The following RHNO1 variants were observed in gnomAD, a reference collection of about 807,000 sequenced individuals.
RHNO1 encodes RAD9-HUS1-RAD1 interacting nuclear orphan 1.
Under a neutral mutation model 7.2 loss-of-function variants are expected in RHNO1, and 9 were observed. That is an observed-to-expected ratio of 1.25 (90% CI 0.75 to 2.18). The LOEUF is 2.18. Ranked by LOEUF, RHNO1 falls within the 30% of genes most tolerant of loss-of-function variation. The pLI, the probability that RHNO1 is intolerant of heterozygous loss-of-function variation, is 0.00. For synonymous variants in RHNO1, 95 were observed against 107.5 expected, an observed-to-expected ratio of 0.88 and a Z score of 0.72; for missense variants, 292 against 284.5, an observed-to-expected ratio of 1.03 and a Z score of -0.19.
upstream of RHNO1, chr12:2,876,583 G>C (rs2098144294): frequency 6.6e-6 from 1 of 152,446 alleles, no homozygotes; most frequent in South Asian, 2.1e-4. Context: ...GTGTATGCAG[G>C]TTGGTCTTTG....
intron 1 of RHNO1, among the ~76,000 whole-genome samples, chr12:2,883,066 C>CAAAAAAAAAAAAAA (rs776370244): frequency 8.2e-5 from 3 of 36,504 alleles, no homozygotes; most frequent in African/African-American, 2.2e-4. Flanking sequence ...GGCCCTGTCT[C>CAAAAAAAAAAAAAA]AAAAAAAAAA....
Position 2,885,322 on chromosome 12 carries a change from C to T in RHNO1, c.-45C>T, listed in dbSNP as rs2098163906. 1 of 1,564,100 alleles carries T rather than the reference C, an allele frequency of 6.4e-7. No homozygotes were observed. The highest frequency in any genetic ancestry group is 1.4e-5 in the African/African-American group (1 of 73,182). On this transcript the variant is annotated 5_prime_UTR_variant, in exon 2 of 3. Coordinates refer to ENST00000489288, the MANE Select transcript of RHNO1 (RefSeq NM_001252499.3). The stretch of plus-strand genomic sequence containing the variant: ...TGGAGCCTATCCCCCAACCCGAAGG[C>T]TAACAGCATCATGTGGTTACTAACT...
intron 1 of RHNO1, among the ~76,000 whole-genome samples, chr12:2,883,075 A>AAAAAAAAACAAAAC (rs112989975): frequency 3.7e-5 from 5 of 134,486 alleles, no homozygotes; most frequent in African/African-American, 1.5e-4. Flanking sequence ...TCAAAAAAAA[A>AAAAAAAAACAAAAC]AAAAAAAAAA....
chr12:2,883,512 T>TATATATATATATATATATATATATA (rs1491305927), intron 1 of RHNO1, among the ~76,000 whole-genome samples: 3 of 22,284 alleles, frequency 1.3e-4, no homozygotes, highest in Non-Finnish European at 2.3e-4. Flanking sequence ...TATATATATA[T>TATATATATATATATATATATATATA]TTTTTTTTTT....
chr12:2,884,394 T>C (rs1391812246), intron 1 of RHNO1, among the ~76,000 whole-genome samples: 4 of 152,110 alleles, frequency 2.6e-5, no homozygotes, highest in African/African-American at 9.7e-5. Context: ...GCCCAGCTAG[T>C]TTTTGTATTT....
rs34096285 is a variant in RHNO1, at chr12:2,885,388, C to A, written c.22C>A (p.Arg8Ser). ...GTTGATGCCTCCCAGAAAAAAACGC[C>A]GCCAGCCTTCCCAGAAAGCCCCGCT... MPPRKKR[R>S]QPSQKAPLLF... Residue 8 changes from arginine to serine, a missense_variant, in exon 2 of 3, where the codon CGC (arginine) becomes AGC (serine). Transcript: ENST00000489288. 6 of 1,613,250 alleles carry A rather than the reference C, an allele frequency of 3.7e-6. No individual in the cohort carries two copies. The highest frequency in any genetic ancestry group is 5.1e-6 in the Non-Finnish European group (6 of 1,179,776).
At chr12:2,881,023 T>C (rs1022835825) in intron 1 of RHNO1, among the ~76,000 whole-genome samples, 1 of 152,242 alleles carries the variant, frequency 6.6e-6, no homozygotes, top group East Asian at 1.9e-4. Context: ...TTGAAGCTGA[T>C]GACTTTCAGC....
At position 2,877,238 on chromosome 12, in the gene RHNO1, G is replaced by A. The variant is rs1418564058; in HGVS notation, c.-129G>A. 2 of 152,272 alleles carry A rather than the reference G, an allele frequency of 1.3e-5. No individual in the cohort carries two copies. The highest frequency in any genetic ancestry group is 2.9e-5 in the Non-Finnish European group (2 of 68,068). 9.4% of individuals were successfully genotyped at this position (152,272 alleles called of 1,614,324 possible). A position where few individuals can be genotyped will look rare whatever the true frequency, so the allele number is the denominator to read the frequency against. ...TTGTCTCGGCATTCCGGGCTCGAAG[G>A]CTGTGCGGTCTGCCAGGAGCTGCGG... is the stretch of plus-strand genomic sequence containing the variant. On this transcript the variant is annotated 5_prime_UTR_variant, in exon 1 of 3. Transcript: ENST00000489288.
chr12:2,888,069 C>A lies in RHNO1; in HGVS notation c.327C>A (p.Ile109=), dbSNP rs748995278. The part of the protein sequence containing the change: ...PQSSSSETLG[I]PLIRECPSES... ...CTTCCAGTTCAGAGACATTGGGGAT[C>A]CCCTTAATCCGAGAGTGCCCCAGTG... The change falls in exon 3 of 3, where the codon ATC becomes ATA. Residue 109 remains isoleucine (I), a synonymous_variant. Transcript: ENST00000489288. 3.2e-5 allele frequency: 51 copies of A among 1,614,000 alleles called. No individual in the cohort carries two copies. The highest frequency in any genetic ancestry group is 4.2e-5 in the Non-Finnish European group (50 of 1,180,026).
chr12:2,888,229 T>C lies in RHNO1; in HGVS notation c.487T>C (p.Ser163Pro). 2 of 1,614,088 alleles carry C rather than the reference T, an allele frequency of 1.2e-6. No individual in the cohort carries two copies. Among genetic ancestry groups the C allele is most frequent in the Non-Finnish European group, 1.7e-6 (2 of 1,180,006 alleles). Residue 163 changes from serine to proline, a missense_variant, in exon 3 of 3, where the codon TCG (serine) becomes CCG (proline). Physicochemically the swap from Ser to Pro is moderately conservative, Grantham distance 74. Transcript: ENST00000489288. ...ACCTGATATCCAGACCCCAGAGTCA[T>C]CGTCTGTGAAGGAAGAACTCATTCC... ...IPPDIQTPESSSVKEELIPQD... is the reference protein window; with the variant it reads ...IPPDIQTPESPSVKEELIPQD...
rs1491305927 is a variant in RHNO1, at chr12:2,883,512, T to TATATATATATATA, written c.-84-1771_-84-1770insATATATATATATA. ...ATATATATATATATATATATATATA[T>TATATATATATATA]TTTTTTTTTTTTTTTTTTTTTTGAG... On this transcript the variant is annotated intron_variant, in intron 1 of 2. Coordinates refer to ENST00000489288, the MANE Select transcript of RHNO1 (RefSeq NM_001252499.3). 5.5e-3 allele frequency among the ~76,000 whole-genome samples: 121 copies of TATATATATATATA among 21,966 alleles called. 4 individuals carry two copies. Among genetic ancestry groups the TATATATATATATA allele is most frequent in the Non-Finnish European group, 6.6e-3 (83 of 12,596 alleles). 14.4% of individuals were successfully genotyped at this position (21,966 alleles called of 152,430 possible).
At position 2,885,361 on chromosome 12, in the gene RHNO1, C is replaced by G; in HGVS notation, c.-6C>G. 6.3e-7 allele frequency: 1 copy of G among 1,598,418 alleles called. No individual in the cohort carries two copies. The highest frequency in any genetic ancestry group is 8.5e-7 in the Non-Finnish European group (1 of 1,171,146). On this transcript the variant is annotated 5_prime_UTR_variant, in exon 2 of 3. Coordinates refer to ENST00000489288, the MANE Select transcript of RHNO1 (RefSeq NM_001252499.3). ...TGGTTACTAACTGTTCCTCATTCAC[C>G]GGTTGATGCCTCCCAGAAAAAAACG...
chr12:2,879,280 A>G (rs897278835), intron 1 of RHNO1, among the ~76,000 whole-genome samples: 13 of 152,036 alleles, frequency 8.6e-5, no homozygotes, highest in Non-Finnish European at 1.8e-4. Context: ...TTGGCATTAC[A>G]GGCATGAGCC....
At position 2,881,897 on chromosome 12, in the gene RHNO1, T is replaced by G. The variant is rs1237996968; in HGVS notation, c.-84-3386T>G. Among the ~76,000 whole-genome samples, 4 of 144,244 alleles carry G rather than the reference T, an allele frequency of 2.8e-5. 1 individual carries two copies. The highest frequency in any genetic ancestry group is 5.2e-5 in the African/African-American group (2 of 38,544). 94.6% of individuals were successfully genotyped at this position (144,244 alleles called of 152,430 possible). ...TCTAGCCTGCGTAACAGAGCAAGAC[T>G]CCATCAAAAAAAAAAAAAAGAAAGA... On this transcript the variant is annotated intron_variant, in intron 1 of 2. Coordinates refer to ENST00000489288, the MANE Select transcript of RHNO1 (RefSeq NM_001252499.3).
At position 2,888,847 on chromosome 12, in the gene RHNO1, A is replaced by G. The variant is rs1157080895; in HGVS notation, c.*388A>G. 8 of 165,670 alleles carry G rather than the reference A, an allele frequency of 4.8e-5. No homozygotes were observed. The highest frequency in any genetic ancestry group is 1.0e-4 in the Non-Finnish European group (8 of 76,618). 10.3% of individuals were successfully genotyped at this position (165,670 alleles called of 1,614,324 possible). On this transcript the variant is annotated 3_prime_UTR_variant, in exon 3 of 3. Transcript: ENST00000489288. ...AGATACTTTGTGTCATGAACAGTTC[A>G]GTTTAGTGTCATGAACTATTCACTT... is the stretch of plus-strand genomic sequence containing the variant.
intron 1 of RHNO1, among the ~76,000 whole-genome samples, chr12:2,880,530 T>A (rs115471504): frequency 0.032 from 4,848 of 151,338 alleles, 336 homozygotes; most frequent in African/African-American, 0.11. Context: ...GGCAGGAGAA[T>A]CGCTTGGACC....
chr12:2,885,793 T>G, intron 2 of RHNO1: 1 of 297,950 alleles, frequency 3.4e-6, no homozygotes, highest in South Asian at 4.6e-5. Context: ...GCCAGGATGG[T>G]CTCTATCTCC....
intron 1 of RHNO1, among the ~76,000 whole-genome samples, chr12:2,878,563 C>T (rs772373301): frequency 2.6e-5 from 4 of 151,802 alleles, no homozygotes; most frequent in Admixed American, 2.0e-4. Flanking sequence ...GAAGTGAATC[C>T]AGGTCAGATT....
chr12:2,883,487 ATATATATATATATATATATATATATTTTT>A (rs2098160980), intron 1 of RHNO1, among the ~76,000 whole-genome samples: 1 of 27,294 alleles, frequency 3.7e-5, no homozygotes, highest in Non-Finnish European at 9.3e-5. Context: ...ATATATATAT[ATATATATATATATATATATATATATTTTT>A]TTTTTTTTTT....
Sources: allele counts gnomAD v4.1 joint callset (sites outside exome capture counted in the v4.1 genomes callset), GRCh38; gene constraint gnomAD v4.1.1; transcripts MANE v1.5; gene names NCBI Gene and HGNC (gene_info 2026-07-23, HGNC 2026-07-21).